The following ZFP2 variants were observed in gnomAD, a reference collection of about 807,000 sequenced individuals.
The protein encoded by ZFP2 is ZFP2 zinc finger protein.
In ZFP2, 33 loss-of-function variants were observed where a neutral mutation model predicts 36.1. That is an observed-to-expected ratio of 0.92 (90% confidence interval 0.69 to 1.22). The LOEUF (loss-of-function observed/expected upper bound fraction) is 1.22, where lower values mean the gene tolerates loss of function less well. Among genes scored for constraint, ZFP2 ranks in the 50% most tolerant of loss-of-function variants. The pLI is 0.00. For synonymous variants in ZFP2, 170 were observed against 178.0 expected (o/e 0.96, Z 0.36); for missense variants, 522 against 551.4 (o/e 0.95, Z 0.53).
intron 1 of ZFP2, among the ~76,000 whole-genome samples, chr5:178,908,263 A>G (rs1758208120): frequency 6.6e-6 from 1 of 152,088 alleles, no homozygotes; most frequent in Admixed American, 6.5e-5. Flanking sequence ...CCTGGCTAAC[A>G]TGGTGAAACC....
intron 1 of ZFP2, chr5:178,910,249 C>A (rs942111623): frequency 5.7e-6 from 9 of 1,571,226 alleles, no homozygotes; most frequent in Non-Finnish European, 7.9e-6. Context: ...ACTCGGAATT[C>A]TGTGGGGTCG....
chr5:178,911,009 T>C (rs1375294526), intron 1 of ZFP2, among the ~76,000 whole-genome samples: 1 of 152,222 alleles, frequency 6.6e-6, no homozygotes, highest in Non-Finnish European at 1.5e-5. Context: ...TGCGGTCTTA[T>C]TTCCTTTATT....
At position 178,925,187 on chromosome 5, in the gene ZFP2, T is replaced by A. The variant is rs12163998; in HGVS notation, c.-77-6050T>A. On this transcript the variant is annotated intron_variant, in intron 4 of 4. Transcript: ENST00000361362. ...CATATATACATATACATATATATTA[T>A]GTGCCTTTGCTTATTCATTCATATT... 2.3e-3 allele frequency among the ~76,000 whole-genome samples: 341 copies of A among 147,694 alleles called. 18 individuals are homozygous for A. Among genetic ancestry groups the A allele is most frequent in the Admixed American group, 0.017 (243 of 14,634 alleles).
Position 178,931,212 on chromosome 5 carries a change from C to T in ZFP2, c.-77-25C>T. The T allele has an allele frequency of 2.0e-6, 3 of 1,498,832 alleles. No homozygotes were observed. The South Asian group carries it at 4.2e-5, about 21-fold the overall frequency. The allele number at this position is 1,498,832 out of a possible 1,614,324, so 92.8% of individuals were successfully genotyped here. ...GTCTCCTAGCACAGAAACCAATGTG[C>T]ATTTGAATTTTTTTTTTTTTTCAGA... On this transcript the variant is annotated intron_variant, in intron 4 of 4. Transcript: ENST00000361362.
chr5:178,921,358 T>G (rs1276972397), intron 4 of ZFP2, among the ~76,000 whole-genome samples: 2 of 150,902 alleles, frequency 1.3e-5, no homozygotes, highest in Non-Finnish European at 1.5e-5. Flanking sequence ...TGACTTCCAG[T>G]GACCATCCCT....
At chr5:178,907,491 C>T (rs1758191365) in intron 1 of ZFP2, among the ~76,000 whole-genome samples, 1 of 151,732 alleles carries the variant, frequency 6.6e-6, no homozygotes, top group African/African-American at 2.4e-5. Flanking sequence ...TAAGTGACAA[C>T]ATGGGTGCAG....
chr5:178,912,179 G>A (rs532754552), intron 1 of ZFP2, among the ~76,000 whole-genome samples: 55 of 152,290 alleles, frequency 3.6e-4, no homozygotes, highest in African/African-American at 1.3e-3. Context: ...AACGAGGGCT[G>A]GGCTGTGACT....
intron 1 of ZFP2, chr5:178,910,048 C>G (rs1485742009): frequency 2.0e-6 from 3 of 1,466,038 alleles, no homozygotes; most frequent in Non-Finnish European, 2.9e-6. Flanking sequence ...TCTTCAGAGT[C>G]CAGGCCAAAC....
At chr5:178,910,569 A>T (rs530105723) in intron 1 of ZFP2, 2 of 485,358 alleles carry the variant, frequency 4.1e-6, no homozygotes, top group Admixed American at 5.2e-5. Context: ...CCCAGGGTCA[A>T]TGAGGGATTC....
At chr5:178,910,855 C>T (rs1352774186) in intron 1 of ZFP2, among the ~76,000 whole-genome samples, 1 of 152,176 alleles carries the variant, frequency 6.6e-6, no homozygotes, top group Non-Finnish European at 1.5e-5. Context: ...GCCACCGCCT[C>T]CTTCATCTGC....
chr5:178,905,909 G>A (rs151059351), intron 1 of ZFP2, among the ~76,000 whole-genome samples: 417 of 151,976 alleles, frequency 2.7e-3, no homozygotes, highest in African/African-American at 9.6e-3. Flanking sequence ...ACACTACCAC[G>A]CCCAGCCAAT....
At chr5:178,931,077 A>G (rs762819973) in intron 4 of ZFP2, among the ~76,000 whole-genome samples, 160 bp from the exon 5 acceptor site, 2 of 151,972 alleles carry the variant, frequency 1.3e-5, no homozygotes, top group Non-Finnish European at 2.9e-5. Context: ...CTCCCTTCCT[A>G]TTTCTCTACC....
In ZFP2 at chr5:178,922,060, C is replaced by A. The variant is rs1409201811; in HGVS notation, c.-78+5350C>A. On this transcript the variant is annotated intron_variant, in intron 4 of 4. Coordinates refer to ENST00000361362, the MANE Select transcript of ZFP2 (RefSeq NM_030613.4). ...AGAGTCAGCTAGCCACCCAAGAAAACATCATGAAAGATACCGATATCAAGA... is the reference window on the plus strand; with the variant it reads ...AGAGTCAGCTAGCCACCCAAGAAAAAATCATGAAAGATACCGATATCAAGA... The A allele has an allele frequency of 5.8e-6, 5 of 867,728 alleles. No individual in the cohort carries two copies. In the Admixed American group the frequency reaches 7.5e-5, roughly 13 times the overall value. 53.8% of individuals were successfully genotyped at this position (867,728 alleles called of 1,614,324 possible).
At chr5:178,916,437 C>A in intron 3 of ZFP2, 128 bp from the exon 4 acceptor site, 1 of 456,548 alleles carries the variant, frequency 2.2e-6, no homozygotes, top group Non-Finnish European at 2.9e-6. Context: ...AAGGAAAAGA[C>A]TTGAGTGTAT....
In ZFP2 at chr5:178,931,751, T is replaced by C; in HGVS notation, c.438T>C (p.Thr146=). 1.9e-6 allele frequency: 3 copies of C among 1,614,138 alleles called. No individual in the cohort carries two copies. The highest frequency in any genetic ancestry group is 2.5e-6 in the Non-Finnish European group (3 of 1,180,014). The part of the protein sequence containing the change: ...GKHFIERSSL[T]VHQRIHTGEK... The stretch of plus-strand genomic sequence containing the variant: ...ACTTCATTGAACGATCCTCCCTTAC[T>C]GTACATCAAAGAATTCATACTGGAG... Residue 146 remains threonine, a synonymous_variant, in exon 5 of 5, where the codon ACT becomes ACC. Coordinates refer to ENST00000361362, the MANE Select transcript of ZFP2 (RefSeq NM_030613.4).
intron 1 of ZFP2, chr5:178,910,069 A>T (rs1758258853): frequency 6.8e-7 from 1 of 1,475,630 alleles, no homozygotes; most frequent in South Asian, 1.1e-5. Context: ...TGAAATGTAA[A>T]CTGGTAGAGA....
At chr5:178,926,768 T>C (rs917213054) in intron 4 of ZFP2, among the ~76,000 whole-genome samples, 1 of 152,064 alleles carries the variant, frequency 6.6e-6, no homozygotes, top group African/African-American at 2.4e-5. Context: ...TCCGTCCACC[T>C]CGGCCTCCCA....
At chr5:178,923,845 G>A (rs1240019552) in intron 4 of ZFP2, among the ~76,000 whole-genome samples, 4 of 146,734 alleles carry the variant, frequency 2.7e-5, no homozygotes, top group Non-Finnish European at 6.1e-5. Flanking sequence ...TAAGTTTTCT[G>A]TAGTACAAAA....
At chr5:178,907,757 A>T (rs1384732938) in intron 1 of ZFP2, among the ~76,000 whole-genome samples, 4 of 152,224 alleles carry the variant, frequency 2.6e-5, no homozygotes, top group Admixed American at 1.3e-4. Flanking sequence ...CAAACAAAAA[A>T]AATTATTTCC....
Sources: allele counts gnomAD v4.1 joint callset (sites outside exome capture counted in the v4.1 genomes callset), GRCh38; gene constraint gnomAD v4.1.1; transcripts MANE v1.5; gene names NCBI Gene and HGNC (gene_info 2026-07-23, HGNC 2026-07-21).